GLI3: variants seen among roughly 807,000 people sequenced by gnomAD.
The protein encoded by GLI3 is GLI family zinc finger 3, also known as transcription activator GLI3.
A neutral mutation model predicts 100.8 loss-of-function variants in GLI3; 20 were observed. The ratio of observed to expected loss-of-function variants is 0.20; its 90% CI spans 0.14 to 0.29. The LOEUF (loss-of-function observed/expected upper bound fraction) is 0.29, where lower values mean the gene tolerates loss of function less well. GLI3 is among the 10% of genes least tolerant of loss of function. GLI3 has a pLI of 1.00. For missense variants in GLI3, 2,040 were observed against 2,128.5 expected (o/e 0.96, Z 0.82); for synonymous variants, 938 against 860.5 (o/e 1.09, Z -1.58).
intron 10 of GLI3, among the ~76,000 whole-genome samples, chr7:42,001,050 G>A (rs183426770): frequency 6.6e-6 from 1 of 151,900 alleles, no homozygotes; most frequent in African/African-American, 2.4e-5. Context: ...TTTGAGACCA[G>A]CCTGGCTAAC....
chr7:42,057,253 C>T (rs1165040737), intron 4 of GLI3, among the ~76,000 whole-genome samples: 1 of 152,172 alleles, frequency 6.6e-6, no homozygotes. Flanking sequence ...TCTCCATAAA[C>T]ATCATTTATA....
At chr7:42,151,708 C>A (rs1786868054) in intron 2 of GLI3, 1 of 152,188 alleles carries the variant, frequency 6.6e-6, no homozygotes, top group Non-Finnish European at 1.5e-5. Flanking sequence ...GAAAAAATGA[C>A]TTTAAATACT....
chr7:42,171,435 T>G (rs899827494), intron 2 of GLI3, among the ~76,000 whole-genome samples: 1 of 152,292 alleles, frequency 6.6e-6, no homozygotes, highest in East Asian at 1.9e-4. Context: ...CATCCACAAG[T>G]AGAAAAAAGA....
At chr7:42,155,834 T>TA (rs1583606288) in intron 2 of GLI3, among the ~76,000 whole-genome samples, 3 of 151,650 alleles carry the variant, frequency 2.0e-5, no homozygotes, top group Non-Finnish European at 4.4e-5. Flanking sequence ...ATTTTTTTTT[T>TA]AAAAAGATAA....
chr7:42,195,549 GAA>G (rs1217221153), intron 2 of GLI3, among the ~76,000 whole-genome samples: 1 of 152,044 alleles, frequency 6.6e-6, no homozygotes, highest in Non-Finnish European at 1.5e-5. Flanking sequence ...CTTCTTCCAG[GAA>G]ATGTCCCCAG....
intron 2 of GLI3, among the ~76,000 whole-genome samples, chr7:42,214,823 G>A (rs1218486206): frequency 6.9e-6 from 1 of 144,962 alleles, no homozygotes; most frequent in African/African-American, 2.6e-5. Context: ...ACATAAAACG[G>A]AATTTTAAAT....
intron 3 of GLI3, among the ~76,000 whole-genome samples, chr7:42,095,485 T>C (rs1209492691): frequency 6.6e-6 from 1 of 151,850 alleles, no homozygotes; most frequent in Non-Finnish European, 1.5e-5. Context: ...GAACAAGAGA[T>C]GTAAAGACTC....
chr7:41,964,064 G>GTTT lies in GLI3; in HGVS notation c.*263_*265dup, dbSNP rs550264781. ...TACTAAAAAGGGGGCGGGGCTTACA[G>GTTT]TTTTTTTTTTTTTTTTTAAAAAGAG... On this transcript the variant is annotated 3_prime_UTR_variant, in exon 15 of 15. Coordinates refer to ENST00000395925, the MANE Select transcript of GLI3 (RefSeq NM_000168.6). The GTTT allele has an allele frequency of 6.4e-3, 1,312 of 204,822 alleles. No homozygotes were observed. Among genetic ancestry groups the GTTT allele is most frequent in the East Asian group, 0.02 (155 of 7,642 alleles). The allele number at this position is 204,822 out of a possible 1,614,324, so 12.7% of individuals were successfully genotyped here. A position where few individuals can be genotyped will look rare whatever the true frequency, so the allele number is the denominator to read the frequency against.
chr7:42,163,050 C>T (rs990988920), intron 2 of GLI3, among the ~76,000 whole-genome samples: 2 of 125,460 alleles, frequency 1.6e-5, no homozygotes, highest in South Asian at 2.7e-4. Flanking sequence ...TGTCAAATAA[C>T]AACTATCCTC....
chr7:41,970,219 T>C (rs1787328984), intron 13 of GLI3, among the ~76,000 whole-genome samples: 1 of 152,110 alleles, frequency 6.6e-6, no homozygotes, highest in Non-Finnish European at 1.5e-5. Flanking sequence ...ACAGAAGAGA[T>C]GTTGCATTAA....
In GLI3 at chr7:42,198,146, C is replaced by T. The variant is rs1169896946; in HGVS notation, c.124+24984G>A. On this transcript the variant is annotated intron_variant, in intron 2 of 14. Transcript: ENST00000395925. Reference sequence around the variant, plus strand: ...TATTTATTGAGCCCCTGCACTGTGGCGGCCCCTGTTCCAAGCACTGAGACA... The same window carrying T: ...TATTTATTGAGCCCCTGCACTGTGGTGGCCCCTGTTCCAAGCACTGAGACA... Among the ~76,000 whole-genome samples the T allele has an allele frequency of 4.6e-5, 7 of 152,290 alleles. No individual in the cohort carries two copies. In the East Asian group the frequency reaches 5.8e-4, roughly 13 times the overall value.
intron 3 of GLI3, among the ~76,000 whole-genome samples, chr7:42,078,931 G>A (rs746864034): frequency 4.6e-5 from 7 of 151,976 alleles, no homozygotes; most frequent in African/African-American, 7.2e-5. Context: ...GGCTTTCACC[G>A]TGTTAGCCAG....
chr7:42,087,619 A>T (rs1785129448), intron 3 of GLI3, among the ~76,000 whole-genome samples: 1 of 152,084 alleles, frequency 6.6e-6, no homozygotes, highest in Admixed American at 6.5e-5. Context: ...TAACACCCAT[A>T]TGGAAAAAGC....
intron 3 of GLI3, among the ~76,000 whole-genome samples, chr7:42,080,857 T>C (rs921647249): frequency 6.6e-6 from 1 of 152,142 alleles, no homozygotes; most frequent in East Asian, 1.9e-4. Context: ...AAAACCCACA[T>C]GACGAGAACA....
intron 3 of GLI3, among the ~76,000 whole-genome samples, chr7:42,119,443 A>T (rs1785942279): frequency 6.6e-6 from 1 of 152,170 alleles, no homozygotes; most frequent in Non-Finnish European, 1.5e-5. Flanking sequence ...TCAGGCCAGA[A>T]TGACGTGACC....
chr7:41,987,141 T>C (rs2128716305), intron 10 of GLI3, among the ~76,000 whole-genome samples: 1 of 102,736 alleles, frequency 9.7e-6, no homozygotes, highest in Admixed American at 9.4e-5. Flanking sequence ...CACACACAGA[T>C]GGGTTGAGTC....
chr7:42,085,004 C>A (rs542181509), intron 3 of GLI3, among the ~76,000 whole-genome samples: 1 of 145,640 alleles, frequency 6.9e-6, no homozygotes, highest in Admixed American at 7.1e-5. Flanking sequence ...CTCCACCTCC[C>A]GGGTTCAAGC....
At chr7:42,153,320 T>A (rs1786920906) in intron 2 of GLI3, among the ~76,000 whole-genome samples, 1 of 152,208 alleles carries the variant, frequency 6.6e-6, no homozygotes, top group Non-Finnish European at 1.5e-5. Flanking sequence ...ATAGTGCATA[T>A]AGCTCAATCC....
chr7:42,160,941 T>C (rs62443802), intron 2 of GLI3, among the ~76,000 whole-genome samples: 3,976 of 152,276 alleles, frequency 0.026, 108 homozygotes, highest in South Asian at 0.036. Context: ...TTCTTCAACG[T>C]ATCTCTGGTC....
Sources: allele counts gnomAD v4.1 joint callset (sites outside exome capture counted in the v4.1 genomes callset), GRCh38; gene constraint gnomAD v4.1.1; transcripts MANE v1.5; gene names NCBI Gene and HGNC (gene_info 2026-07-23, HGNC 2026-07-21).